Variants in TDP1 observed in about 807,000 individuals in gnomAD.
TDP1 encodes tyrosyl-DNA phosphodiesterase 1.
A neutral mutation model predicts 81.5 loss-of-function variants in TDP1; 64 were observed. That is an observed-to-expected ratio of 0.79 (90% CI 0.64 to 0.97). The LOEUF is 0.97. Among genes scored for constraint, TDP1 ranks in the 50% least tolerant of loss-of-function variants. The pLI, the probability that TDP1 is intolerant of heterozygous loss-of-function variation, is 0.00. For synonymous variants in TDP1, 256 were observed against 264.3 expected (o/e 0.97, Z 0.30); for missense variants, 723 against 743.8 (o/e 0.97, Z 0.33).
intron 15 of TDP1, among the ~76,000 whole-genome samples, chr14:90,021,117 C>T (rs1886040256): frequency 6.6e-6 from 1 of 152,102 alleles, no homozygotes; most frequent in African/African-American, 2.4e-5. Flanking sequence ...GGAGAGCACC[C>T]ACCTTCCCAG....
In TDP1 at chr14:89,980,556, C is replaced by T. The variant is rs1209723144; in HGVS notation, c.808C>T (p.Leu270Phe). Residue 270 changes from leucine to phenylalanine, a missense_variant, in exon 8 of 17, where the codon CTC (leucine) becomes TTC (phenylalanine). Coordinates refer to ENST00000335725, the MANE Select transcript of TDP1 (RefSeq NM_018319.4). ...GTHHTKMMLL[L>F]YEEGLRVVIH... ...TTTTTAAAGGAAAATGATGCTGCTG[C>T]TCTATGAAGAAGGCCTCCGGGTTGT... The T allele has an allele frequency of 1.2e-6, 2 of 1,614,078 alleles. No individual in the cohort carries two copies. The highest frequency in any genetic ancestry group is 1.7e-6 in the Non-Finnish European group (2 of 1,179,950).
intron 15 of TDP1, among the ~76,000 whole-genome samples, chr14:90,025,288 A>G (rs1886521846): frequency 6.6e-6 from 1 of 152,240 alleles, no homozygotes; most frequent in Non-Finnish European, 1.5e-5. Flanking sequence ...CTAAAAATAC[A>G]GCAGGTGGAG....
rs8013643 is a variant in TDP1 at position 90,005,096 on chromosome 14, A to G, written c.1541+11613A>G. ...CTTTTCAAGGTCTCCCAGGACCTTG[A>G]CCAAATGCTGACCATATATTGGACT... is the stretch of plus-strand genomic sequence containing the variant. On this transcript the variant is annotated intron_variant, in intron 14 of 16. Transcript: ENST00000335725. 3.1e-3 allele frequency among the ~76,000 whole-genome samples: 479 copies of G among 152,334 alleles called. 3 individuals are homozygous for G. Among genetic ancestry groups the G allele is most frequent in the African/African-American group, 0.011 (451 of 41,576 alleles).
rs145486114 is a variant in TDP1 at position 90,027,347 on chromosome 14, A to T, written c.1645-5759A>T. Among the ~76,000 whole-genome samples, 801 of 151,964 alleles carry T rather than the reference A, an allele frequency of 5.3e-3. 5 individuals are homozygous for T. The highest frequency in any genetic ancestry group is 7.6e-3 in the Non-Finnish European group (518 of 67,982). ...ACTGCTGGGTTTCTACCCACATGTC[A>T]GGGTCTGTGTTCCTCTGCCCTTAAA... On this transcript the variant is annotated intron_variant, in intron 15 of 16. Coordinates refer to ENST00000335725, the MANE Select transcript of TDP1 (RefSeq NM_018319.4).
At chr14:90,018,608 G>A (rs959878151) in intron 14 of TDP1, among the ~76,000 whole-genome samples, 5 of 152,094 alleles carry the variant, frequency 3.3e-5, no homozygotes, top group Admixed American at 6.6e-5. Context: ...CTGTAGGTTC[G>A]CGTCACCATG....
intron 9 of TDP1, 22 bp downstream of exon 9, chr14:89,984,705 T>C (rs752956913): frequency 6.2e-7 from 1 of 1,612,546 alleles, no homozygotes; most frequent in East Asian, 2.2e-5. Context: ...CTTATCAATT[T>C]GGGGTGCTTA....
chr14:89,983,175 G>A (rs1207719249), intron 8 of TDP1: 1 of 455,656 alleles, frequency 2.2e-6, no homozygotes, highest in Non-Finnish European at 4.4e-6. Context: ...GAACTTTGAG[G>A]TGCTATTGCA....
intron 15 of TDP1, among the ~76,000 whole-genome samples, chr14:90,028,343 T>G (rs1361932887): frequency 6.6e-6 from 1 of 152,236 alleles, no homozygotes; most frequent in Non-Finnish European, 1.5e-5. Context: ...CTCGGATAGC[T>G]GCAAATAAAA....
chr14:90,005,415 T>A (rs574535747), intron 14 of TDP1, among the ~76,000 whole-genome samples: 48 of 152,076 alleles, frequency 3.2e-4, no homozygotes, highest in East Asian at 2.9e-3. Flanking sequence ...AAAAAAAAAA[T>A]TTTTTTAAAT....
intron 8 of TDP1, among the ~76,000 whole-genome samples, chr14:89,982,121 G>A (rs891599166): frequency 1.3e-5 from 2 of 152,074 alleles, no homozygotes; most frequent in African/African-American, 4.8e-5. Flanking sequence ...TACATCTCTT[G>A]TTCCCTCCCC....
chr14:90,007,573 A>G (rs1884189968), intron 14 of TDP1, among the ~76,000 whole-genome samples: 1 of 151,980 alleles, frequency 6.6e-6, no homozygotes, highest in Admixed American at 6.6e-5. Flanking sequence ...TGGGTAATAG[A>G]GCAAGACCCT....
chr14:90,042,225 G>A (rs1018314705), intron 16 of TDP1, among the ~76,000 whole-genome samples: 11 of 152,166 alleles, frequency 7.2e-5, no homozygotes, highest in Admixed American at 3.3e-4. Flanking sequence ...TCTTGGTTAC[G>A]TGTGACCAGC....
At chr14:89,992,849 T>C in intron 13 of TDP1, 1 of 717,914 alleles carries the variant, frequency 1.4e-6, no homozygotes, top group South Asian at 6.4e-5. Flanking sequence ...TAGTCTGCAA[T>C]ATTGGAAACT....
At chr14:89,988,087 C>G (rs1011672478) in intron 10 of TDP1, among the ~76,000 whole-genome samples, 1 of 152,128 alleles carries the variant, frequency 6.6e-6, no homozygotes, top group Non-Finnish European at 1.5e-5. Context: ...TTAACATTTA[C>G]TGCTTTATTA....
chr14:90,034,330 A>G (rs1363052180), intron 16 of TDP1, among the ~76,000 whole-genome samples: 2 of 152,208 alleles, frequency 1.3e-5, no homozygotes, highest in Non-Finnish European at 2.9e-5. Context: ...CCCAACCACC[A>G]TGCTCACAAA....
At chr14:89,991,427 C>A in intron 12 of TDP1, 1 of 340,584 alleles carries the variant, frequency 2.9e-6, no homozygotes, top group Non-Finnish European at 4.2e-6. Flanking sequence ...TTACTTGGTG[C>A]GTTCTCGTCC....
intron 6 of TDP1, among the ~76,000 whole-genome samples, chr14:89,972,015 T>C (rs1893723893): frequency 6.6e-6 from 1 of 152,166 alleles, no homozygotes; most frequent in African/African-American, 2.4e-5. Flanking sequence ...ATGATCTAAG[T>C]CCAATGTGGA....
At chr14:89,998,556 A>G (rs1242371094) in intron 14 of TDP1, among the ~76,000 whole-genome samples, 3 of 151,194 alleles carry the variant, frequency 2.0e-5, no homozygotes, top group East Asian at 1.9e-4. Flanking sequence ...AGGTTAAACA[A>G]TGTGCCCAAG....
rs1888536581 is a variant in TDP1 at position 90,043,202 on chromosome 14, C to T, written c.*59C>T. 2.5e-6 allele frequency: 4 copies of T among 1,605,026 alleles called. No individual in the cohort carries two copies. The highest frequency in any genetic ancestry group is 3.4e-6 in the Non-Finnish European group (4 of 1,172,556). ...ACATTGAGCCACAAACATGGAATCTCTTCTTTGTACTGGATGTCCACTTCC... is the reference window on the plus strand; with the variant it reads ...ACATTGAGCCACAAACATGGAATCTTTTCTTTGTACTGGATGTCCACTTCC... On this transcript the variant is annotated 3_prime_UTR_variant, in exon 17 of 17. Transcript: ENST00000335725.
Sources: allele counts gnomAD v4.1 joint callset (sites outside exome capture counted in the v4.1 genomes callset), GRCh38; gene constraint gnomAD v4.1.1; transcripts MANE v1.5; gene names NCBI Gene and HGNC (gene_info 2026-07-23, HGNC 2026-07-21).